FRMPD3: variants seen among roughly 807,000 people sequenced by gnomAD.
FRMPD3 encodes FERM and PDZ domain-containing protein 3.
FRMPD3 carries 42 observed loss-of-function variants against 97.9 expected under a neutral mutation model. The ratio of observed to expected loss-of-function variants is 0.43; its 90% CI spans 0.34 to 0.55. The LOEUF is 0.55. Among genes scored for constraint, FRMPD3 ranks in the 20% least tolerant of loss-of-function variants. The pLI is 0.03. For synonymous variants in FRMPD3, 577 were observed against 581.1 expected (o/e 0.99, Z 0.10); for missense variants, 1,303 against 1,457.7 (o/e 0.89, Z 1.73).
chrX:107,495,138 T>C (rs958791254), intron 1 of FRMPD3, among the ~76,000 whole-genome samples: 2 of 112,081 alleles, frequency 1.8e-5, no homozygotes, highest in Non-Finnish European at 3.8e-5. Flanking sequence ...TCACAGTCCT[T>C]GGTCTCCCCA....
At chrX:107,576,531 C>A in intron 13 of FRMPD3, 72 bp downstream of exon 13, 1 of 1,097,801 alleles carries the variant, frequency 9.1e-7, no homozygotes, top group Non-Finnish European at 1.2e-6. Flanking sequence ...GAGGGAAGAG[C>A]TTCTCTGCCT....
intron 4 of FRMPD3, among the ~76,000 whole-genome samples, chrX:107,539,255 A>G (rs962116610): frequency 2.7e-5 from 3 of 111,604 alleles, no homozygotes; most frequent in Admixed American, 9.5e-5. Flanking sequence ...GAGAGGGGTC[A>G]CAGGAGTTCT....
chrX:107,539,950 A>G (rs936150945), intron 4 of FRMPD3, among the ~76,000 whole-genome samples: 2 of 111,453 alleles, frequency 1.8e-5, no homozygotes, highest in African/African-American at 6.5e-5. Flanking sequence ...AAGTGATGGC[A>G]TTTAGCTAGT....
chrX:107,554,656 C>T, intron 8 of FRMPD3, 152 bp downstream of exon 8: 1 of 735,927 alleles, frequency 1.4e-6, no homozygotes, highest in South Asian at 2.9e-5. Flanking sequence ...CATCGTAGGC[C>T]ATGGCCAAGT....
chrX:107,530,671 G>T (rs1004162582), intron 3 of FRMPD3, among the ~76,000 whole-genome samples, 160 bp downstream of exon 3: 2 of 110,858 alleles, frequency 1.8e-5, no homozygotes, highest in Non-Finnish European at 3.8e-5. Flanking sequence ...TCAGGGGCCA[G>T]CTATTCAGGG....
chrX:107,525,698 C>A (rs1005831826), intron 1 of FRMPD3: 1 of 557,454 alleles, frequency 1.8e-6, no homozygotes, highest in Non-Finnish European at 3.2e-6. Context: ...CAATTTTGGT[C>A]CCAGACATTA....
At chrX:107,467,529 T>C (rs1254335342) in intron 1 of FRMPD3, among the ~76,000 whole-genome samples, 1 of 111,748 alleles carries the variant, frequency 8.9e-6, no homozygotes, top group Non-Finnish European at 1.9e-5. Flanking sequence ...TCCTTTTACA[T>C]GGAACATCGT....
chrX:107,588,450 C>T (rs1923761690), intron 13 of FRMPD3, among the ~76,000 whole-genome samples: 1 of 110,953 alleles, frequency 9.0e-6, no homozygotes, highest in Non-Finnish European at 1.9e-5. Context: ...GATGGGGTTT[C>T]TCCATGTTGG....
rs187495804 is a variant in FRMPD3, at chrX:107,570,904, T to C, written c.1297-5411T>C. ...AAGCATGTCAAATTAATCCCTGCTG[T>C]ACCTTCTTCTGGCTGGCTCATGCCT... On this transcript the variant is annotated intron_variant, in intron 12 of 14. Coordinates refer to ENST00000683843, the MANE Select transcript of FRMPD3 (RefSeq NM_001388459.1). 7.9e-4 allele frequency among the ~76,000 whole-genome samples: 89 copies of C among 112,259 alleles called. 2 individuals carry two copies. The highest frequency in any genetic ancestry group is 2.6e-3 in the African/African-American group (81 of 30,921).
chrX:107,581,634 T>C (rs1195189862), intron 13 of FRMPD3, among the ~76,000 whole-genome samples: 1 of 111,675 alleles, frequency 9.0e-6, no homozygotes, highest in Non-Finnish European at 1.9e-5. Context: ...ACAAACTCTG[T>C]ACCCATTAGC....
intron 8 of FRMPD3, among the ~76,000 whole-genome samples, chrX:107,557,664 CGTGT>C (rs760760257): frequency 0.015 from 1,319 of 87,121 alleles, 33 homozygotes; most frequent in Admixed American, 0.063. Flanking sequence ...ATCAAAGTTT[CGTGT>C]GTGTGTGTGT....
chrX:107,566,238 G>A (rs1238758519), intron 12 of FRMPD3, among the ~76,000 whole-genome samples: 3 of 113,062 alleles, frequency 2.7e-5, no homozygotes, highest in Non-Finnish European at 1.9e-5. Flanking sequence ...TTTCTTAAAC[G>A]ATTTCCCAGG....
chrX:107,538,922 G>C (rs910873805), intron 4 of FRMPD3, among the ~76,000 whole-genome samples: 1 of 112,641 alleles, frequency 8.9e-6, no homozygotes, highest in Admixed American at 9.4e-5. Flanking sequence ...GCCTCCCAAA[G>C]TACTGGGATT....
chrX:107,521,491 A>G (rs1297113569), intron 1 of FRMPD3, among the ~76,000 whole-genome samples: 1 of 112,750 alleles, frequency 8.9e-6, no homozygotes, highest in East Asian at 2.8e-4. Flanking sequence ...CAACACTACT[A>G]GAATAAGGAG....
chrX:107,532,349 A>C (rs1005051436), intron 3 of FRMPD3, among the ~76,000 whole-genome samples: 1 of 112,383 alleles, frequency 8.9e-6, no homozygotes. Flanking sequence ...GTTTGGCACG[A>C]TTGTGGAACA....
intron 1 of FRMPD3, among the ~76,000 whole-genome samples, chrX:107,474,091 A>T (rs758745867): frequency 8.9e-6 from 1 of 111,905 alleles, no homozygotes; most frequent in Non-Finnish European, 1.9e-5. Context: ...TCTCAAAACG[A>T]AACAAAACCA....
At chrX:107,527,200 T>C (rs1922730486) in intron 2 of FRMPD3, among the ~76,000 whole-genome samples, 1 of 111,969 alleles carries the variant, frequency 8.9e-6, no homozygotes, top group Non-Finnish European at 1.9e-5. Context: ...AGGTCAGCCA[T>C]TGAAGACCAG....
chrX:107,454,115 C>A (rs918752929), intron 1 of FRMPD3, among the ~76,000 whole-genome samples: 1 of 111,754 alleles, frequency 8.9e-6, no homozygotes, highest in African/African-American at 3.3e-5. Flanking sequence ...ACTAGCCACC[C>A]GCAGCTTTTG....
chrX:107,483,812 T>G (rs778609078), intron 1 of FRMPD3, among the ~76,000 whole-genome samples: 95 of 110,849 alleles, frequency 8.6e-4, no homozygotes, highest in African/African-American at 3.0e-3. Context: ...GGGGTAGGGG[T>G]GGGGTTCGCT....
Sources: allele counts gnomAD v4.1 joint callset (sites outside exome capture counted in the v4.1 genomes callset), GRCh38; gene constraint gnomAD v4.1.1; transcripts MANE v1.5; gene names NCBI Gene and HGNC (gene_info 2026-07-23, HGNC 2026-07-21).